The following CSMD1 variants were observed in gnomAD, a reference collection of about 807,000 sequenced individuals.
CSMD1 encodes the protein CUB and Sushi multiple domains 1, also known as CUB and sushi domain-containing protein 1.
A neutral mutation model predicts 417.5 loss-of-function variants in CSMD1; 213 were observed. That is an observed-to-expected ratio of 0.51 (90% CI 0.46 to 0.57). The LOEUF is 0.57. Among genes scored for constraint, CSMD1 ranks in the 20% least tolerant of loss-of-function variants. CSMD1 has a pLI of 0.00. For missense variants in CSMD1, 6,923 were observed against 4,529.7 expected, an observed-to-expected ratio of 1.53 and a Z score of -15.17; for synonymous variants, 2,862 against 1,736.8, an observed-to-expected ratio of 1.65 and a Z score of -16.11.
intron 7 of CSMD1, among the ~76,000 whole-genome samples, chr8:3,661,766 G>A (rs549445810): frequency 1.8e-4 from 28 of 152,222 alleles, no homozygotes; most frequent in South Asian, 1.2e-3. Flanking sequence ...CAAAGTGCTG[G>A]GGTGACAGGC....
chr8:3,307,629 C>G (rs1388919953), intron 25 of CSMD1, 66 bp downstream of exon 25: 16 of 1,501,692 alleles, frequency 1.1e-5, no homozygotes, highest in South Asian at 8.5e-5. Context: ...GTACCACTAT[C>G]TCTGCTACAA....
chr8:3,166,600 A>G (rs750307680), intron 37 of CSMD1, among the ~76,000 whole-genome samples: 1 of 152,306 alleles, frequency 6.6e-6, no homozygotes, highest in East Asian at 1.9e-4. Flanking sequence ...GAAGTGTTTT[A>G]GAAGAACGAT....
intron 30 of CSMD1, among the ~76,000 whole-genome samples, chr8:3,212,979 C>G (rs1171335430): frequency 6.6e-6 from 1 of 151,906 alleles, no homozygotes; most frequent in African/African-American, 2.4e-5. Context: ...CAGGTGTGCA[C>G]CACCACGCCC....
intron 7 of CSMD1, among the ~76,000 whole-genome samples, chr8:3,659,528 C>T (rs551029877): frequency 6.6e-6 from 1 of 152,234 alleles, no homozygotes; most frequent in South Asian, 2.1e-4. Flanking sequence ...GCCAGCTGTC[C>T]TGGGATGATC....
chr8:4,615,162 C>G (rs1255244617), intron 2 of CSMD1, among the ~76,000 whole-genome samples: 1 of 152,114 alleles, frequency 6.6e-6, no homozygotes, highest in Non-Finnish European at 1.5e-5. Context: ...CTACCCATTT[C>G]AAATCTATTA....
At chr8:4,307,057 C>T (rs1274271911) in intron 3 of CSMD1, among the ~76,000 whole-genome samples, 1 of 152,102 alleles carries the variant, frequency 6.6e-6, no homozygotes, top group East Asian at 1.9e-4. Flanking sequence ...ATGGTATCCT[C>T]ATCACAACCC....
chr8:4,158,597 T>C (rs892362517), intron 3 of CSMD1, among the ~76,000 whole-genome samples: 1 of 152,132 alleles, frequency 6.6e-6, no homozygotes, highest in Non-Finnish European at 1.5e-5. Context: ...CCCTCCTTCT[T>C]ATTTTTCTGG....
intron 5 of CSMD1, among the ~76,000 whole-genome samples, chr8:3,800,976 A>G (rs977727039): frequency 3.9e-5 from 6 of 152,162 alleles, no homozygotes; most frequent in Non-Finnish European, 7.4e-5. Context: ...AAAACAGACT[A>G]AGACAATTTA....
intron 2 of CSMD1, among the ~76,000 whole-genome samples, chr8:4,452,395 G>C (rs967974210): frequency 6.6e-6 from 1 of 152,138 alleles, no homozygotes; most frequent in African/African-American, 2.4e-5. Context: ...CGAGGGCTTG[G>C]GGTTCAGAGG....
At chr8:3,662,028 C>T (rs141089300) in intron 7 of CSMD1, among the ~76,000 whole-genome samples, 394 of 152,204 alleles carry the variant, frequency 2.6e-3, no homozygotes, top group Middle Eastern at 6.8e-3. Flanking sequence ...GGGATTTTTA[C>T]TCGAAGTCGT....
intron 1 of CSMD1, among the ~76,000 whole-genome samples, chr8:4,931,702 G>T (rs34342046): frequency 0.3 from 46,004 of 152,088 alleles, 8,080 homozygotes; most frequent in Non-Finnish European, 0.41. Context: ...AACTAACCAG[G>T]ATTGAATTAT....
intron 5 of CSMD1, among the ~76,000 whole-genome samples, chr8:3,944,017 G>C (rs1390310793): frequency 6.6e-6 from 1 of 152,054 alleles, no homozygotes; most frequent in African/African-American, 2.4e-5. Flanking sequence ...GACTTTAATA[G>C]TTATACTGTG....
intron 2 of CSMD1, among the ~76,000 whole-genome samples, chr8:4,595,884 T>C (rs1162849804): frequency 6.6e-6 from 1 of 152,202 alleles, no homozygotes; most frequent in African/African-American, 2.4e-5. Flanking sequence ...TTGCATGGAA[T>C]GATCTTGCAT....
chr8:4,468,825 G>T (rs1271626094), intron 2 of CSMD1, among the ~76,000 whole-genome samples: 1 of 152,046 alleles, frequency 6.6e-6, no homozygotes, highest in Non-Finnish European at 1.5e-5. Flanking sequence ...ATTGAATTTA[G>T]CCCAAACAGC....
intron 5 of CSMD1, among the ~76,000 whole-genome samples, chr8:3,875,979 G>A (rs1158677593): frequency 6.6e-6 from 1 of 150,620 alleles, no homozygotes; most frequent in Admixed American, 6.6e-5. Context: ...ATTGCGAAGG[G>A]CCACATGTCT....
intron 3 of CSMD1, among the ~76,000 whole-genome samples, chr8:4,059,664 C>T (rs867269027): frequency 1.3e-5 from 2 of 152,266 alleles, no homozygotes; most frequent in Middle Eastern, 6.8e-3. Flanking sequence ...ACTACAAACA[C>T]CTCTACGCAA....
At chr8:3,510,087 A>G (rs1796999862) in intron 10 of CSMD1, among the ~76,000 whole-genome samples, 1 of 152,212 alleles carries the variant, frequency 6.6e-6, no homozygotes, top group South Asian at 2.1e-4. Context: ...ATTCATTAGG[A>G]GAAAGTAAAT....
At chr8:4,726,803 A>G (rs1809489909) in intron 1 of CSMD1, among the ~76,000 whole-genome samples, 1 of 152,182 alleles carries the variant, frequency 6.6e-6, no homozygotes, top group Admixed American at 6.5e-5. Context: ...CAATAACACA[A>G]CAATTGACTT....
chr8:4,270,647 A>G (rs896481505), intron 3 of CSMD1, among the ~76,000 whole-genome samples: 1 of 152,204 alleles, frequency 6.6e-6, no homozygotes, highest in Non-Finnish European at 1.5e-5. Flanking sequence ...CCTCAAATGA[A>G]GATCGCGTGT....
Sources: gnomAD v4.1 joint callset for allele counts (sites outside exome capture counted in the v4.1 genomes callset) on GRCh38, gnomAD v4.1.1 for gene constraint, MANE v1.5 for transcripts, NCBI Gene and HGNC (gene_info 2026-07-23, HGNC 2026-07-21) for gene names.